Variants in SLC39A13 observed in about 807,000 individuals in gnomAD.
The protein encoded by SLC39A13 is solute carrier family 39 member 13.
Under a neutral mutation model 38.7 loss-of-function variants are expected in SLC39A13, and 18 were observed. The observed-to-expected ratio is 0.47, with a 90% CI of 0.32 to 0.69. The LOEUF (loss-of-function observed/expected upper bound fraction) is 0.69, where lower values mean the gene tolerates loss of function less well. Ranked by LOEUF, SLC39A13 falls within the 30% of genes least tolerant of loss-of-function variation. SLC39A13 has a pLI of 0.03. For missense variants in SLC39A13, 395 were observed against 490.7 expected (o/e 0.80, Z 1.84); for synonymous variants, 212 against 219.1 (o/e 0.97, Z 0.29).
At chr11:47,409,729 C>T (rs1343540748) in intron 1 of SLC39A13, 3 of 293,732 alleles carry the variant, frequency 1.0e-5, no homozygotes, top group South Asian at 3.5e-5. Context: ...GTGTCGCGGG[C>T]GGCAGGGCCT....
intron 4 of SLC39A13, among the ~76,000 whole-genome samples, chr11:47,412,942 A>G (rs141470879): frequency 0.11 from 15,921 of 149,996 alleles, 965 homozygotes; most frequent in Non-Finnish European, 0.14. Flanking sequence ...TTGTATTTTT[A>G]GTGGAGACGG....
At chr11:47,410,444 ATGC>A in intron 2 of SLC39A13, 49 bp downstream of exon 2, 1 of 1,605,970 alleles carries the variant, frequency 6.2e-7, no homozygotes, top group Non-Finnish European at 8.5e-7. Context: ...TGTGGGAAGC[ATGC>A]TGCTGCTCTT....
At chr11:47,410,687 G>A (rs1387184103) in intron 2 of SLC39A13, among the ~76,000 whole-genome samples, 1 of 152,134 alleles carries the variant, frequency 6.6e-6, no homozygotes, top group African/African-American at 2.4e-5. Flanking sequence ...CCATGAGCAT[G>A]TACTGCCCGT....
rs772924353 is a variant in SLC39A13, at chr11:47,415,157, G to A, written c.1038G>A (p.Pro346=). Residue 346 remains proline, a splice_region_variant and synonymous_variant, in exon 9 of 10, where the codon CCG becomes CCA. Transcript: ENST00000362021. ...VLPDLLEEED[P]WRSLQQLLLL... is the part of the protein sequence containing the mutation. ...CTGACCTCTTGGAAGAAGAGGACCC[G>A]TGGTGAGTGACCTGTTGGAGGAAGA... 6.3e-5 allele frequency: 101 copies of A among 1,611,496 alleles called. No individual in the cohort carries two copies. The highest frequency in any genetic ancestry group is 7.4e-5 in the Non-Finnish European group (87 of 1,178,892).
At chr11:47,409,783 C>T (rs541440892) in intron 1 of SLC39A13, 13 of 356,958 alleles carry the variant, frequency 3.6e-5, no homozygotes, top group Admixed American at 1.8e-4. Context: ...GCCGTGCCGC[C>T]GGTGGCTGAG....
At position 47,415,472 on chromosome 11, in the gene SLC39A13, GAGCCTCCCGCCAGAC is replaced by G; in HGVS notation, c.*112_*126del. On this transcript the variant is annotated 3_prime_UTR_variant, in exon 10 of 10. Coordinates refer to ENST00000362021, the MANE Select transcript of SLC39A13 (RefSeq NM_001128225.3). ...AGGGCGAGTGGCTGCGAGAGAGAAT[GAGCCTCCCGCCAGAC>G]AGGAGGGAGGTGCGTGTGGATGTAT... is the stretch of plus-strand genomic sequence containing the variant. 7.9e-7 allele frequency: 1 copy of G among 1,266,380 alleles called. No homozygotes were observed. Among genetic ancestry groups the G allele is most frequent in the Non-Finnish European group, 1.1e-6 (1 of 877,998 alleles). The allele number at this position is 1,266,380 out of a possible 1,614,324, so 78.4% of individuals were successfully genotyped here. A position where few individuals can be genotyped will look rare whatever the true frequency, so the allele number is the denominator to read the frequency against.
chr11:47,415,358 G>GATTAA lies in SLC39A13; in HGVS notation c.1112_1116dup, dbSNP rs2096021985. 2 of 1,613,918 alleles carry GATTAA rather than the reference G, an allele frequency of 1.2e-6. No homozygotes were observed. Among genetic ancestry groups the GATTAA allele is most frequent in the African/African-American group, 2.7e-5 (2 of 74,914 alleles). On this transcript the variant is annotated stop_gained and frameshift_variant, in exon 10 of 10. Coordinates refer to ENST00000362021, the MANE Select transcript of SLC39A13 (RefSeq NM_001128225.3). LOFTEE classifies it high-confidence loss of function. ...AATGGTGCTGTTCTCGCTCTTCGTG[G>GATTAA]ATTAACTTTCCCTGATGCCGACGCC...
Position 47,415,041 on chromosome 11 carries a change from G to A in SLC39A13, c.922G>A (p.Gly308Arg), listed in dbSNP as rs1424674367. 6.2e-7 allele frequency: 1 copy of A among 1,613,392 alleles called. No individual in the cohort carries two copies. The highest frequency in any genetic ancestry group is 1.3e-5 in the African/African-American group (1 of 75,034). The part of the protein sequence containing the change: ...ICTQSPKGVV[G>R]CSPAAEETAA... ...CACACAGTGCCTTGGGTACCCAGTTGGGTGTTCTCCCGCTGCAGAGGAGAC... is the reference window on the plus strand; with the variant it reads ...CACACAGTGCCTTGGGTACCCAGTTAGGTGTTCTCCCGCTGCAGAGGAGAC... The change falls in exon 9 of 10, where the codon GGG becomes AGG. Residue 308 changes from glycine to arginine, a missense_variant and splice_region_variant. Transcript: ENST00000362021.
upstream of SLC39A13, among the ~76,000 whole-genome samples, chr11:47,408,098 C>T (rs946958167): frequency 2.0e-5 from 3 of 152,258 alleles, no homozygotes; most frequent in Non-Finnish European, 2.9e-5. Context: ...CCCCTCCCTG[C>T]GGCAGGCACT....
intron 2 of SLC39A13, among the ~76,000 whole-genome samples, chr11:47,411,114 C>T (rs766985166): frequency 1.3e-5 from 2 of 152,174 alleles, no homozygotes; most frequent in Non-Finnish European, 2.9e-5. Flanking sequence ...CCTGGGATCC[C>T]ACCCCAAACC....
At chr11:47,408,963 C>G (rs1449949122) in intron 1 of SLC39A13, 1 of 153,114 alleles carries the variant, frequency 6.5e-6, no homozygotes, top group South Asian at 2.1e-4. Context: ...TCTGCGTGAC[C>G]GCCTCGTCCT....
chr11:47,409,777 T>A (rs868517457), intron 1 of SLC39A13: 2 of 346,346 alleles, frequency 5.8e-6, no homozygotes, highest in East Asian at 6.5e-5. Context: ...GGCCGGGCCG[T>A]GCCGCCGGTG....
At position 47,411,891 on chromosome 11, in the gene SLC39A13, A is replaced by T. The variant is rs1252336435; in HGVS notation, c.302-35A>T. On this transcript the variant is annotated intron_variant, in intron 2 of 9. Coordinates refer to ENST00000362021, the MANE Select transcript of SLC39A13 (RefSeq NM_001128225.3). Reference sequence around the variant, plus strand: ...GAAGGTCAGGCCAGGAGCTCCAGCCAGTCAGCCCCCAGACCCCGCATCTCT... The same window carrying T: ...GAAGGTCAGGCCAGGAGCTCCAGCCTGTCAGCCCCCAGACCCCGCATCTCT... 1.9e-6 allele frequency: 3 copies of T among 1,593,228 alleles called. No individual in the cohort carries two copies. In the Admixed American group the frequency reaches 5.2e-5, roughly 27 times the overall value.
rs1324877284 is a variant in SLC39A13, at chr11:47,414,478, G to A, written c.786+3G>A. ...TCCTGCATGAGATCCCCCATGAGGT[G>A]AGCGCTTGTAGGGCAGCCCCCAGGG... On this transcript the variant is annotated splice_donor_region_variant and intron_variant, in intron 7 of 9. Transcript: ENST00000362021. The A allele has an allele frequency of 1.2e-6, 2 of 1,612,202 alleles. No individual in the cohort carries two copies. The highest frequency in any genetic ancestry group is 1.6e-4 in the Middle Eastern group (1 of 6,062).
chr11:47,407,738 G>A (rs939171664), upstream of SLC39A13, among the ~76,000 whole-genome samples: 2 of 152,248 alleles, frequency 1.3e-5, no homozygotes, highest in East Asian at 1.9e-4. Flanking sequence ...TGGGCTAACA[G>A]TACCCACCAC....
chr11:47,415,648 T>G lies in SLC39A13; in HGVS notation c.*285T>G. 1 of 563,114 alleles carries G rather than the reference T, an allele frequency of 1.8e-6. No homozygotes were observed. The highest frequency in any genetic ancestry group is 3.2e-6 in the Non-Finnish European group (1 of 307,748). 34.9% of individuals were successfully genotyped at this position (563,114 alleles called of 1,614,324 possible). A position where few individuals can be genotyped will look rare whatever the true frequency, so the allele number is the denominator to read the frequency against. Reference sequence around the variant, plus strand: ...TCCTTGCCGCCCTGTCACCTTCACCTCCCGGAGTAAGCAGCGAGGAAGAGC... The same window carrying G: ...TCCTTGCCGCCCTGTCACCTTCACCGCCCGGAGTAAGCAGCGAGGAAGAGC... On this transcript the variant is annotated 3_prime_UTR_variant, in exon 10 of 10. Transcript: ENST00000362021.
intron 6 of SLC39A13, 114 bp downstream of exon 6, chr11:47,413,800 G>T (rs1416485557): frequency 1.7e-6 from 2 of 1,145,204 alleles, no homozygotes; most frequent in Non-Finnish European, 2.6e-6. Context: ...CCTCATCTAA[G>T]GCTCTCATCC....
intron 7 of SLC39A13, 116 bp from the exon 8 acceptor site, chr11:47,414,661 G>C (rs2096016736): frequency 1.7e-5 from 26 of 1,556,730 alleles, no homozygotes; most frequent in Non-Finnish European, 2.1e-5. Flanking sequence ...ACTCAGGATG[G>C]GGGTCCCAGG....
At chr11:47,409,803 C>T (rs76839559) in intron 1 of SLC39A13, 2 of 396,678 alleles carry the variant, frequency 5.0e-6, no homozygotes, top group East Asian at 1.0e-4. Flanking sequence ...GGAGAGCCAG[C>T]CAGCGCCTCA....
Sources: allele counts gnomAD v4.1 joint callset (sites outside exome capture counted in the v4.1 genomes callset), GRCh38; gene constraint gnomAD v4.1.1; transcripts MANE v1.5; gene names NCBI Gene and HGNC (gene_info 2026-07-23, HGNC 2026-07-21).